Variants in OR4D2 observed in about 807,000 individuals in gnomAD.
The protein encoded by OR4D2 is olfactory receptor 4D2.
In OR4D2, 9 loss-of-function variants were observed where a neutral mutation model predicts 12.4. That is an observed-to-expected ratio of 0.73 (90% confidence interval 0.44 to 1.27). The LOEUF (loss-of-function observed/expected upper bound fraction) is 1.27. Ranked by LOEUF, OR4D2 falls within the 50% of genes most tolerant of loss-of-function variation. OR4D2 has a pLI of 0.00. For missense variants in OR4D2, 373 were observed against 381.6 expected (o/e 0.98, Z 0.19); for synonymous variants, 151 against 151.1 (o/e 1.00, Z 0.01).
In OR4D2 at chr17:58,170,816, G is replaced by A. The variant is rs1182919358; in HGVS notation, c.*237G>A. ...AATGAGAATTGTTCACATGGCCCCT[G>A]AAAACCACACCTTCCTTTTCACCTT... On this transcript the variant is annotated 3_prime_UTR_variant, in exon 2 of 2. Transcript: ENST00000545221. 4 of 526,466 alleles carry A rather than the reference G, an allele frequency of 7.6e-6. No homozygotes were observed. Among genetic ancestry groups the A allele is most frequent in the Non-Finnish European group, 1.4e-5 (4 of 294,724 alleles). The allele number at this position is 526,466 out of a possible 1,614,324, so 32.6% of individuals were successfully genotyped here. A position where few individuals can be genotyped will look rare whatever the true frequency, so the allele number is the denominator to read the frequency against.
At chr17:58,168,861 G>T in intron 1 of OR4D2, among the ~76,000 whole-genome samples, 1 of 152,150 alleles carries the variant, frequency 6.6e-6, no homozygotes, top group Admixed American at 6.5e-5. Flanking sequence ...GATGTCTCAG[G>T]CATCCAGCTG....
Position 58,171,049 on chromosome 17 carries a change from T to C in OR4D2, c.*470T>C, listed in dbSNP as rs768109395. 4.8e-5 allele frequency: 8 copies of C among 166,034 alleles called. No individual in the cohort carries two copies. The highest frequency in any genetic ancestry group is 1.1e-4 in the Admixed American group (2 of 18,324). The allele number at this position is 166,034 out of a possible 1,614,324, so 10.3% of individuals were successfully genotyped here. On this transcript the variant is annotated 3_prime_UTR_variant, in exon 2 of 2. Coordinates refer to ENST00000545221, the MANE Select transcript of OR4D2 (RefSeq NM_001004707.4). The stretch of plus-strand genomic sequence containing the variant: ...TTCGAGTAAGCCACCCAGCTTTTCT[T>C]GGCCTCATGATTTCTCCCTCACCAA...
chr17:58,170,422 A>C lies in OR4D2; in HGVS notation c.767A>C (p.Tyr256Ser). The stretch of plus-strand genomic sequence containing the variant: ...TCCATGATCTTCGTTCCAAGCATTT[A>C]CCTCTATGCCCGGCCCTTCACTCCA... ...VVSMIFVPSI[Y>S]LYARPFTPFP... Residue 256 changes from tyrosine to serine, a missense_variant, in exon 2 of 2, where the codon TAC becomes TCC. Coordinates refer to ENST00000545221, the MANE Select transcript of OR4D2 (RefSeq NM_001004707.4). 1 of 1,614,002 alleles carries C rather than the reference A, an allele frequency of 6.2e-7. No homozygotes were observed. Among genetic ancestry groups the C allele is most frequent in the Non-Finnish European group, 8.5e-7 (1 of 1,179,992 alleles).
chr17:58,168,829 G>T (rs1197658461), intron 1 of OR4D2, among the ~76,000 whole-genome samples: 1 of 152,208 alleles, frequency 6.6e-6, no homozygotes, highest in African/African-American at 2.4e-5. Context: ...GCCGCCCACA[G>T]TGGAGGGCAG....
chr17:58,167,560 C>T (rs1306414047), intron 1 of OR4D2, among the ~76,000 whole-genome samples: 1 of 152,020 alleles, frequency 6.6e-6, no homozygotes, highest in Admixed American at 6.6e-5. Flanking sequence ...GTTGCATGCA[C>T]GTATGTAGGT....
intron 1 of OR4D2, among the ~76,000 whole-genome samples, chr17:58,168,070 G>A (rs1967911937): frequency 7.0e-6 from 1 of 143,388 alleles, no homozygotes. Context: ...AATAAGATTA[G>A]AATGACCTAT....
In OR4D2 at chr17:58,170,582, G is replaced by C; in HGVS notation, c.*3G>C. 3.7e-6 allele frequency: 6 copies of C among 1,610,898 alleles called. No homozygotes were observed. Among genetic ancestry groups the C allele is most frequent in the Non-Finnish European group, 5.1e-6 (6 of 1,177,008 alleles). ...TAGGGAGACACCGGCTGGTTTGAGAGTGACAATGGTAGGTTTCTTCTCTTT... is the reference window on the plus strand; with the variant it reads ...TAGGGAGACACCGGCTGGTTTGAGACTGACAATGGTAGGTTTCTTCTCTTT... On this transcript the variant is annotated 3_prime_UTR_variant, in exon 2 of 2. Coordinates refer to ENST00000545221, the MANE Select transcript of OR4D2 (RefSeq NM_001004707.4).
chr17:58,167,786 G>A (rs895259395), intron 1 of OR4D2, among the ~76,000 whole-genome samples: 2 of 151,552 alleles, frequency 1.3e-5, no homozygotes, highest in Non-Finnish European at 1.5e-5. Context: ...AGGCGGAAGC[G>A]GGCGGATCAC....
Position 58,169,663 on chromosome 17 carries a change from C to T in OR4D2, c.8C>T (p.Thr3Ile). 1 of 1,613,338 alleles carries T rather than the reference C, an allele frequency of 6.2e-7. No individual in the cohort carries two copies. Among genetic ancestry groups the T allele is most frequent in the Non-Finnish European group, 8.5e-7 (1 of 1,179,282 alleles). The change falls in exon 2 of 2, where the codon ACA (threonine) becomes ATA (isoleucine). Residue 3 changes from threonine (T) to isoleucine (I), a missense_variant. Thr to Ile is a moderately conservative substitution (Grantham distance 89, BLOSUM62 -1). Transcript: ENST00000545221. ...GTGTATGGAGAAAACACCATGGAAA[C>T]AGGGAACCTCACGTGGGTATCAGAC... ME[T>I]GNLTWVSDFV...
At chr17:58,168,061 A>G (rs1044905823) in intron 1 of OR4D2, among the ~76,000 whole-genome samples, 1 of 150,648 alleles carries the variant, frequency 6.6e-6, no homozygotes, top group Non-Finnish European at 1.5e-5. Context: ...AAGGAGCAGA[A>G]TAAGATTAGA....
intron 1 of OR4D2, among the ~76,000 whole-genome samples, chr17:58,167,763 C>A (rs1394311330): frequency 6.7e-6 from 1 of 150,194 alleles, no homozygotes; most frequent in Non-Finnish European, 1.5e-5. Flanking sequence ...GCCTGTAATC[C>A]CAGCACTTTG....
rs573572067 is a variant in OR4D2, at chr17:58,167,052, C to T, written c.-20C>T. ...GGATGCTCACAGCAAAGGACATCAA[C>T]GGTGAGGAAAATCACAAGATTCTCG... On this transcript the variant is annotated splice_region_variant and 5_prime_UTR_variant, in exon 1 of 2. It adds an upstream start codon to the 5' untranslated region. Coordinates refer to ENST00000545221, the MANE Select transcript of OR4D2 (RefSeq NM_001004707.4). The T allele has an allele frequency of 6.6e-6, 1 of 152,342 alleles. No homozygotes were observed. Among genetic ancestry groups the T allele is most frequent in the South Asian group, 2.1e-4 (1 of 4,826 alleles). 9.4% of individuals were successfully genotyped at this position (152,342 alleles called of 1,614,324 possible).
intron 1 of OR4D2, 41 bp downstream of exon 1, chr17:58,167,094 C>T (rs1967900665): frequency 1.3e-5 from 2 of 152,222 alleles, no homozygotes; most frequent in South Asian, 4.1e-4. Context: ...TCACATAAAA[C>T]AAAGTCACAT....
chr17:58,167,999 CAA>C (rs1165311786), intron 1 of OR4D2, among the ~76,000 whole-genome samples: 1 of 39,206 alleles, frequency 2.6e-5, no homozygotes, highest in Non-Finnish European at 5.2e-5. Flanking sequence ...GACTCCGTCA[CAA>C]AAAAAAAAAA....
Position 58,170,746 on chromosome 17 carries a change from T to C in OR4D2, c.*167T>C. ...TTTAGGAAAAAAGAAAGTATCCTCT[T>C]TGGTGGTTAAGGTTTGTGATAAAGA... On this transcript the variant is annotated 3_prime_UTR_variant, in exon 2 of 2. Transcript: ENST00000545221. The C allele has an allele frequency of 1.6e-6, 1 of 628,736 alleles. No homozygotes were observed. Among genetic ancestry groups the C allele is most frequent in the Non-Finnish European group, 2.8e-6 (1 of 353,654 alleles). The allele number at this position is 628,736 out of a possible 1,614,324, so 38.9% of individuals were successfully genotyped here. A position where few individuals can be genotyped will look rare whatever the true frequency, so the allele number is the denominator to read the frequency against.
At position 58,169,870 on chromosome 17, in the gene OR4D2, G is replaced by A; in HGVS notation, c.215G>A (p.Cys72Tyr). ...CGAAACCTGGCTGTCCTAGACCTCTGTTTCTCTTCAGTCACTGCTCCCAAA... is the reference window on the plus strand; with the variant it reads ...CGAAACCTGGCTGTCCTAGACCTCTATTTCTCTTCAGTCACTGCTCCCAAA... ...LLRNLAVLDLCFSSVTAPKML... is the reference protein window; with the variant it reads ...LLRNLAVLDLYFSSVTAPKML... Residue 72 changes from cysteine to tyrosine, a missense_variant, in exon 2 of 2, where the codon TGT (cysteine) becomes TAT (tyrosine). Coordinates refer to ENST00000545221, the MANE Select transcript of OR4D2 (RefSeq NM_001004707.4). 7 of 1,614,110 alleles carry A rather than the reference G, an allele frequency of 4.3e-6. No homozygotes were observed. Among genetic ancestry groups the A allele is most frequent in the Non-Finnish European group, 5.9e-6 (7 of 1,180,014 alleles).
chr17:58,169,904 G>A lies in OR4D2; in HGVS notation c.249G>A (p.Val83=). Residue 83 remains valine (V), a synonymous_variant, in exon 2 of 2, where the codon GTG becomes GTA. Transcript: ENST00000545221. ...FSSVTAPKML[V]DLLSEKKTIS... ...CAGTCACTGCTCCCAAAATGCTAGT[G>A]GACCTCCTCTCTGAGAAGAAAACCA... 6.2e-7 allele frequency: 1 copy of A among 1,614,084 alleles called. No individual in the cohort carries two copies. The highest frequency in any genetic ancestry group is 8.5e-7 in the Non-Finnish European group (1 of 1,180,010).
chr17:58,170,662 A>G lies in OR4D2; in HGVS notation c.*83A>G, dbSNP rs1023232262. ...GGGAGCTACTACCTTTGCTCTCTTCATAGTGTGTTGAGGTTCATCATAGCA... is the reference window on the plus strand; with the variant it reads ...GGGAGCTACTACCTTTGCTCTCTTCGTAGTGTGTTGAGGTTCATCATAGCA... On this transcript the variant is annotated 3_prime_UTR_variant, in exon 2 of 2. Transcript: ENST00000545221. The G allele has an allele frequency of 2.3e-5, 25 of 1,095,012 alleles. No individual in the cohort carries two copies. The highest frequency in any genetic ancestry group is 3.4e-5 in the Non-Finnish European group (24 of 711,704). The allele number at this position is 1,095,012 out of a possible 1,614,324, so 67.8% of individuals were successfully genotyped here.
intron 1 of OR4D2, among the ~76,000 whole-genome samples, chr17:58,167,528 T>A (rs1417909454): frequency 6.6e-6 from 1 of 152,230 alleles, no homozygotes; most frequent in African/African-American, 2.4e-5. Flanking sequence ...TTTTATAGTC[T>A]TGTATGAAAT....
Sources: gnomAD v4.1 joint callset for allele counts (sites outside exome capture counted in the v4.1 genomes callset) on GRCh38, gnomAD v4.1.1 for gene constraint, MANE v1.5 for transcripts, NCBI Gene and HGNC (gene_info 2026-07-23, HGNC 2026-07-21) for gene names.